The following NUP62 variants were observed in gnomAD, a reference collection of about 807,000 sequenced individuals.
NUP62 encodes the protein nucleoporin 62.
For missense variants in NUP62, 647 were observed against 689.4 expected (o/e 0.94, Z 0.69); for synonymous variants, 305 against 303.4 (o/e 1.01, Z -0.05).
intron 2 of NUP62, among the ~76,000 whole-genome samples, chr19:49,912,498 T>G (rs548618248): frequency 6.6e-6 from 1 of 151,938 alleles, no homozygotes; most frequent in African/African-American, 2.4e-5. Flanking sequence ...AGTGCCACAT[T>G]GGTTTCCAAT....
rs141228323 is a variant in NUP62 at position 49,907,966 on chromosome 19, T to A, written c.*273A>T. ...TCTCCATCACCAGGCTGAGCCAGGA[T>A]GAGGTGGGTGGTCGCAGTAGGTGAA... On this transcript the variant is annotated 3_prime_UTR_variant, in exon 3 of 3. Coordinates refer to ENST00000352066, the MANE Select transcript of NUP62 (RefSeq NM_016553.5). 9 of 583,704 alleles carry A rather than the reference T, an allele frequency of 1.5e-5. No individual in the cohort carries two copies. In the East Asian group the frequency reaches 3.0e-4, roughly 19 times the overall value. The allele number at this position is 583,704 out of a possible 1,614,324, so 36.2% of individuals were successfully genotyped here.
intron 2 of NUP62, among the ~76,000 whole-genome samples, chr19:49,910,386 G>T (rs924683186): frequency 6.6e-6 from 1 of 152,070 alleles, no homozygotes; most frequent in African/African-American, 2.4e-5. Flanking sequence ...CAGGGTCTGG[G>T]TTGCTGAAGG....
chr19:49,912,429 A>C (rs191623077), intron 2 of NUP62, among the ~76,000 whole-genome samples: 6 of 152,074 alleles, frequency 3.9e-5, no homozygotes, highest in African/African-American at 1.2e-4. Flanking sequence ...TCGGCCTCCC[A>C]AAGTGTTGGG....
In NUP62 at chr19:49,908,829, C is replaced by T. The variant is rs761138867; in HGVS notation, c.979G>A (p.Ala327Thr). 8.1e-6 allele frequency: 13 copies of T among 1,612,922 alleles called. No individual in the cohort carries two copies. The East Asian group carries it at 1.1e-4, about 14-fold the overall frequency. ...CTCTCCAGCTGCGCGTAGGTCATGGCGGAGCTGGCAGCCGCCCCTGCAGCT... is the reference window on the plus strand; with the variant it reads ...CTCTCCAGCTGCGCGTAGGTCATGGTGGAGCTGGCAGCCGCCCCTGCAGCT... ...GAAAGAAASS[A>T]MTYAQLESLI... is the part of the protein sequence containing the mutation. Residue 327 changes from alanine (A) to threonine (T), a missense_variant, in exon 3 of 3, where the codon GCC becomes ACC. By Grantham distance (58) the Ala-to-Thr change is moderately conservative (BLOSUM62 0). Transcript: ENST00000352066.
chr19:49,927,808 G>C lies in NUP62; in HGVS notation c.-192C>G, dbSNP rs2075939703. 6.6e-6 allele frequency: 1 copy of C among 152,300 alleles called. No individual in the cohort carries two copies. The highest frequency in any genetic ancestry group is 2.4e-5 in the African/African-American group (1 of 41,456). 9.4% of individuals were successfully genotyped at this position (152,300 alleles called of 1,614,324 possible). Reference sequence around the variant, plus strand: ...GATGTCCTGATGTGGATGGGACAAGGTGGGTTTCTGCAACAGAGAAAAGAC... The same window carrying C: ...GATGTCCTGATGTGGATGGGACAAGCTGGGTTTCTGCAACAGAGAAAAGAC... On this transcript the variant is annotated 5_prime_UTR_variant, in exon 2 of 3. Coordinates refer to ENST00000352066, the MANE Select transcript of NUP62 (RefSeq NM_016553.5).
In NUP62 at chr19:49,921,940, T is replaced by C. The variant is rs576694065; in HGVS notation, c.-78+5754A>G. On this transcript the variant is annotated intron_variant, in intron 2 of 2. Coordinates refer to ENST00000352066, the MANE Select transcript of NUP62 (RefSeq NM_016553.5). This position sits in a 1 kb window ranked among gnomAD's most constrained non-coding sequence, Gnocchi z 5.4. ...TTCCATCTTGGCAGGATGAGTGCAT[T>C]TGCTGCGAGAAAGCAGCCCCGACGG... Among the ~76,000 whole-genome samples the C allele has an allele frequency of 1.4e-4, 21 of 152,332 alleles. No homozygotes were observed. In the South Asian group the frequency reaches 4.3e-3, roughly 32 times the overall value.
At position 49,908,021 on chromosome 19, in the gene NUP62, A is replaced by G. The variant is rs1350709603; in HGVS notation, c.*218T>C. 5 of 980,484 alleles carry G rather than the reference A, an allele frequency of 5.1e-6. No homozygotes were observed. The highest frequency in any genetic ancestry group is 2.7e-5 in the East Asian group (1 of 37,502). 60.7% of individuals were successfully genotyped at this position (980,484 alleles called of 1,614,324 possible). A position where few individuals can be genotyped will look rare whatever the true frequency, so the allele number is the denominator to read the frequency against. On this transcript the variant is annotated 3_prime_UTR_variant, in exon 3 of 3. Transcript: ENST00000352066. The stretch of plus-strand genomic sequence containing the variant: ...GGCCAAAGATACTCAAATGAAAGCC[A>G]CAGAAGCCACACCCATGAGGCTGCT...
chr19:49,915,156 G>GT (rs1228414961), intron 2 of NUP62, among the ~76,000 whole-genome samples: 5 of 152,270 alleles, frequency 3.3e-5, no homozygotes, highest in South Asian at 4.1e-4. Context: ...TGCTATGTGT[G>GT]TGGGGGGGTA....
intron 2 of NUP62, among the ~76,000 whole-genome samples, chr19:49,911,838 T>C (rs1385492889): frequency 6.6e-6 from 1 of 152,198 alleles, no homozygotes; most frequent in Admixed American, 6.5e-5. Context: ...GAGAAAGGTC[T>C]CTTCAAGAGG....
intron 2 of NUP62, among the ~76,000 whole-genome samples, chr19:49,923,239 C>T (rs2075806750): frequency 6.6e-6 from 1 of 152,224 alleles, no homozygotes; most frequent in Non-Finnish European, 1.5e-5. Flanking sequence ...CCTACCTGCC[C>T]TTGTTTGCCA....
rs2075394412 is a variant in NUP62, at chr19:49,909,115, T to A, written c.693A>T (p.Ser231=). Reference sequence around the variant, plus strand: ...AGAGGGAGAGTCCAGTGGTGGCAGATGAGGTTGGAGCAGTTGCTATTGACG... The same window carrying A: ...AGAGGGAGAGTCCAGTGGTGGCAGAAGAGGTTGGAGCAGTTGCTATTGACG... ...LFASIATAPT[S]SATTGLSLCT... The change falls in exon 3 of 3, where the codon TCA becomes TCT. Residue 231 remains serine, a synonymous_variant. Coordinates refer to ENST00000352066, the MANE Select transcript of NUP62 (RefSeq NM_016553.5). The A allele has an allele frequency of 1.2e-6, 2 of 1,612,228 alleles. No individual in the cohort carries two copies. The highest frequency in any genetic ancestry group is 8.5e-7 in the Non-Finnish European group (1 of 1,179,994).
intron 2 of NUP62, among the ~76,000 whole-genome samples, chr19:49,923,021 T>C (rs2075800753): frequency 6.6e-6 from 1 of 152,118 alleles, no homozygotes. Context: ...CGGTGAGTGA[T>C]GGCATCCTGG....
rs1267867534 is a variant in NUP62, at chr19:49,907,774, C to T, written c.*465G>A. 1 of 331,830 alleles carries T rather than the reference C, an allele frequency of 3.0e-6. No homozygotes were observed. Among genetic ancestry groups the T allele is most frequent in the Non-Finnish European group, 5.8e-6 (1 of 172,106 alleles). The allele number at this position is 331,830 out of a possible 1,614,324, so 20.6% of individuals were successfully genotyped here. On this transcript the variant is annotated 3_prime_UTR_variant, in exon 3 of 3. Transcript: ENST00000352066. Reference sequence around the variant, plus strand: ...TGGTCTCGAACTCCTGACCTCAAGTCATCTGCCCGCCTTGGCCACCCAAAG... The same window carrying T: ...TGGTCTCGAACTCCTGACCTCAAGTTATCTGCCCGCCTTGGCCACCCAAAG...
At position 49,908,355 on chromosome 19, in the gene NUP62, G is replaced by A. The variant is rs779414081; in HGVS notation, c.1453C>T (p.Leu485=). 1 of 1,614,198 alleles carries A rather than the reference G, an allele frequency of 6.2e-7. No individual in the cohort carries two copies. Among genetic ancestry groups the A allele is most frequent in the Non-Finnish European group, 8.5e-7 (1 of 1,180,036 alleles). ...CKILNAHMDS[L]QWIDQNSALL... ...GCCGAGTTCTGGTCGATCCACTGCAGTGAGTCCATGTGCGCATTGAGGATC... is the reference window on the plus strand; with the variant it reads ...GCCGAGTTCTGGTCGATCCACTGCAATGAGTCCATGTGCGCATTGAGGATC... The change falls in exon 3 of 3, where the codon CTG becomes TTG. Residue 485 remains leucine, a synonymous_variant. Coordinates refer to ENST00000352066, the MANE Select transcript of NUP62 (RefSeq NM_016553.5).
intron 2 of NUP62, among the ~76,000 whole-genome samples, chr19:49,926,639 G>A (rs1297670633): frequency 2.6e-5 from 4 of 152,196 alleles, no homozygotes; most frequent in East Asian, 3.8e-4. Flanking sequence ...ACGTCTGTGC[G>A]TCCTTACCAC....
intron 2 of NUP62, among the ~76,000 whole-genome samples, chr19:49,922,904 C>A (rs908513563): frequency 6.6e-6 from 1 of 152,100 alleles, no homozygotes; most frequent in Non-Finnish European, 1.5e-5. Context: ...CCCATGTCAA[C>A]CCCCTGCCCC....
At chr19:49,914,377 T>G (rs2075564265) in intron 2 of NUP62, among the ~76,000 whole-genome samples, 1 of 152,104 alleles carries the variant, frequency 6.6e-6, no homozygotes, top group South Asian at 2.1e-4. Context: ...GGGCCTGTGC[T>G]CAGGGCTGGG....
Position 49,909,555 on chromosome 19 carries a change from C to T in NUP62, c.253G>A (p.Gly85Arg). The change falls in exon 3 of 3, where the codon GGA becomes AGA. Residue 85 changes from glycine (G) to arginine (R), a missense_variant. Gly to Arg is a moderately radical substitution (Grantham distance 125, BLOSUM62 -2). Coordinates refer to ENST00000352066, the MANE Select transcript of NUP62 (RefSeq NM_016553.5). ...TFGTATLASG[G>R]TGFSLGIGAS... ...CCGATCCCCAAAGAAAATCCAGTTC[C>T]CCCCGAAGCAAGAGTCGCTGTTCCA... The T allele has an allele frequency of 6.2e-7, 1 of 1,614,128 alleles. No homozygotes were observed. The highest frequency in any genetic ancestry group is 8.5e-7 in the Non-Finnish European group (1 of 1,180,034).
chr19:49,912,137 A>G (rs1290739), intron 2 of NUP62, among the ~76,000 whole-genome samples: 123,186 of 150,560 alleles, frequency 0.82, 50,728 homozygotes, highest in East Asian at 0.95. Flanking sequence ...ACAATCTTCT[A>G]TGGGGACTTG....
Sources: gnomAD v4.1 joint callset for allele counts (sites outside exome capture counted in the v4.1 genomes callset) on GRCh38, gnomAD v4.1.1 for gene constraint, Gnocchi (gnomAD v3.1) non-coding constraint, MANE v1.5 for transcripts, NCBI Gene and HGNC (gene_info 2026-07-23, HGNC 2026-07-21) for gene names.